GON4L: variants seen among roughly 807,000 people sequenced by gnomAD.
The protein encoded by GON4L is gon-4 like.
Under a neutral mutation model 211.8 loss-of-function variants are expected in GON4L, and 87 were observed. The observed-to-expected ratio is 0.41, with a 90% CI of 0.35 to 0.49. GON4L has a LOEUF of 0.49. Ranked by LOEUF, GON4L falls within the 20% of genes least tolerant of loss-of-function variation. GON4L has a pLI of 0.15. For synonymous variants in GON4L, 875 were observed against 962.6 expected (o/e 0.91, Z 1.68); for missense variants, 2,155 against 2,659.5 (o/e 0.81, Z 4.17).
chr1:155,762,992 C>T (rs558828972), intron 22 of GON4L, among the ~76,000 whole-genome samples: 8 of 151,298 alleles, frequency 5.3e-5, no homozygotes, highest in African/African-American at 1.9e-4. Flanking sequence ...GCCAAGATCG[C>T]ACCACTGCAC....
At chr1:155,800,883 C>T (rs76808434) in intron 11 of GON4L, among the ~76,000 whole-genome samples, 9,715 of 149,510 alleles carry the variant, frequency 0.065, 391 homozygotes, top group African/African-American at 0.11. Flanking sequence ...GTTTAACTTA[C>T]CGTGAAACCT....
chr1:155,806,356 T>C (rs1045587608), intron 10 of GON4L, among the ~76,000 whole-genome samples: 7 of 151,898 alleles, frequency 4.6e-5, no homozygotes, highest in African/African-American at 1.5e-4. Context: ...TTGGCCAGGC[T>C]TGTCTTGAAT....
At chr1:155,757,134 G>A (rs762909017) in intron 26 of GON4L, 46 bp downstream of exon 26, 27 of 1,613,670 alleles carry the variant, frequency 1.7e-5, no homozygotes, top group South Asian at 4.4e-5. Flanking sequence ...CCTCCCACGT[G>A]TGGCCTTCCC....
At chr1:155,818,082 A>AT (rs1055491498) in intron 6 of GON4L, among the ~76,000 whole-genome samples, 1 of 151,388 alleles carries the variant, frequency 6.6e-6, no homozygotes, top group African/African-American at 2.4e-5. Flanking sequence ...ATCTCCTTGG[A>AT]TTTTTTTTCC....
chr1:155,789,464 T>C (rs555666613), intron 12 of GON4L, among the ~76,000 whole-genome samples: 11 of 152,046 alleles, frequency 7.2e-5, no homozygotes, highest in Admixed American at 7.2e-4. Context: ...ACCCCGTCTC[T>C]ACTAAAAATA....
downstream of GON4L, chr1:155,747,032 A>C (rs1488119130): frequency 2.5e-6 from 4 of 1,603,206 alleles, no homozygotes; most frequent in South Asian, 2.2e-5. Context: ...AACAGAAAGG[A>C]GGCTATGCGG....
At chr1:155,759,089 C>T (rs1389224172) in intron 24 of GON4L, among the ~76,000 whole-genome samples, 8 of 152,062 alleles carry the variant, frequency 5.3e-5, no homozygotes, top group Admixed American at 1.3e-4. Flanking sequence ...CTCAACCTCT[C>T]AGGCTCAAGT....
intron 11 of GON4L, 87 bp from the exon 12 acceptor site, chr1:155,795,238 T>A: frequency 1.2e-6 from 1 of 839,164 alleles, no homozygotes; most frequent in Non-Finnish European, 2.0e-6. Flanking sequence ...TTATTCTTTA[T>A]TTTTTTGAGA....
Position 155,781,169 on chromosome 1 carries a change from T to C in GON4L, c.1892+2817A>G, listed in dbSNP as rs541683947. On this transcript the variant is annotated intron_variant, in intron 14 of 31. Transcript: ENST00000368331. ...ACTATTATTTTTTTTTGAGATGGAGTTTCGTTCCTATTGCCCAGGCTGGAG... is the reference window on the plus strand; with the variant it reads ...ACTATTATTTTTTTTTGAGATGGAGCTTCGTTCCTATTGCCCAGGCTGGAG... Among the ~76,000 whole-genome samples the C allele has an allele frequency of 3.3e-5, 5 of 151,508 alleles. No homozygotes were observed. The South Asian group carries it at 1.0e-3, about 32-fold the overall frequency.
At chr1:155,835,276 C>G (rs981407903) in intron 2 of GON4L, among the ~76,000 whole-genome samples, 2 of 152,040 alleles carry the variant, frequency 1.3e-5, no homozygotes, top group South Asian at 2.1e-4. Context: ...GCAGCATGCT[C>G]GTTAAGTCAT....
chr1:155,797,508 C>T (rs1442384083), intron 11 of GON4L, among the ~76,000 whole-genome samples: 3 of 151,254 alleles, frequency 2.0e-5, no homozygotes, highest in East Asian at 1.9e-4. Context: ...GACTGGATAC[C>T]GTGCCTGGCC....
chr1:155,762,095 G>T (rs1228748024), intron 23 of GON4L, 95 bp downstream of exon 23: 2 of 974,908 alleles, frequency 2.1e-6, no homozygotes, highest in African/African-American at 1.6e-5. Flanking sequence ...CTGTTGCATA[G>T]CCTGAAAAAC....
chr1:155,762,570 T>C (rs970935001), intron 22 of GON4L, among the ~76,000 whole-genome samples, 196 bp from the exon 23 acceptor site: 4 of 152,250 alleles, frequency 2.6e-5, no homozygotes, highest in African/African-American at 9.6e-5. Flanking sequence ...ACTGCCTTAA[T>C]TGGGATGACA....
chr1:155,776,315 A>T, intron 16 of GON4L, 80 bp downstream of exon 16: 1 of 973,958 alleles, frequency 1.0e-6, no homozygotes, highest in Non-Finnish European at 1.7e-6. Context: ...ATAGATTATG[A>T]TCAGTGAATA....
chr1:155,851,052 CAAA>C (rs55815558), intron 2 of GON4L, among the ~76,000 whole-genome samples: 1 of 78,482 alleles, frequency 1.3e-5, no homozygotes. Context: ...GACTCCACCT[CAAA>C]AAAAAAAAAA....
chr1:155,836,589 C>T (rs906668478), intron 2 of GON4L, among the ~76,000 whole-genome samples: 3 of 152,144 alleles, frequency 2.0e-5, no homozygotes, highest in Admixed American at 6.5e-5. Context: ...CTTTCACTCT[C>T]CTCTCCCTTT....
chr1:155,749,505 G>A, downstream of GON4L: 1 of 1,412,668 alleles, frequency 7.1e-7, no homozygotes, highest in Non-Finnish European at 9.6e-7. Context: ...CTTAATGGCT[G>A]TTCTCTGCCC....
chr1:155,836,118 G>A (rs958661183), intron 2 of GON4L, among the ~76,000 whole-genome samples: 1 of 152,106 alleles, frequency 6.6e-6, no homozygotes, highest in Admixed American at 6.6e-5. Flanking sequence ...GGTGGTGCAC[G>A]CCTGTAGTCC....
chr1:155,833,680 G>C (rs1011511020), intron 2 of GON4L, among the ~76,000 whole-genome samples: 3 of 132,834 alleles, frequency 2.3e-5, no homozygotes, highest in African/African-American at 5.6e-5. Context: ...AAAAGGGAAG[G>C]AAGGGGAGGG....
Sources: allele counts gnomAD v4.1 joint callset (sites outside exome capture counted in the v4.1 genomes callset), GRCh38; gene constraint gnomAD v4.1.1; transcripts MANE v1.5; gene names NCBI Gene and HGNC (gene_info 2026-07-23, HGNC 2026-07-21).